Variants in CNTNAP2 observed in about 807,000 individuals in gnomAD.
The protein encoded by CNTNAP2 is contactin-associated protein-like 2.
Under a neutral mutation model 155.2 loss-of-function variants are expected in CNTNAP2, and 98 were observed. The observed-to-expected ratio is 0.63, with a 90% confidence interval of 0.54 to 0.75. The LOEUF is 0.75. Ranked by LOEUF, CNTNAP2 falls within the 30% of genes least tolerant of loss-of-function variation. The pLI, the probability that CNTNAP2 is intolerant of heterozygous loss-of-function variation, is 0.00. For missense variants in CNTNAP2, 1,727 were observed against 1,688.1 expected (o/e 1.02, Z -0.40); for synonymous variants, 651 against 631.2 (o/e 1.03, Z -0.47).
At position 146,555,379 on chromosome 7, in the gene CNTNAP2, C is replaced by T. The variant is rs989440738; in HGVS notation, c.98-218892C>T. On this transcript the variant is annotated intron_variant, in intron 1 of 23. Transcript: ENST00000361727. ...TATCTAATCTAATCTTTTATTCTAT[C>T]CATCTATCTACCATCTATTATGTAT... Among the ~76,000 whole-genome samples, 5 of 151,348 alleles carry T rather than the reference C, an allele frequency of 3.3e-5. 1 individual carries two copies. The South Asian group carries it at 6.2e-4, about 19-fold the overall frequency.
intron 13 of CNTNAP2, among the ~76,000 whole-genome samples, chr7:147,774,248 T>C (rs866555941): frequency 5.3e-5 from 8 of 152,214 alleles, no homozygotes; most frequent in African/African-American, 1.7e-4. Flanking sequence ...TTTGTCATTT[T>C]TGTTTATTAA....
At chr7:147,107,986 AAC>A (rs970550663) in intron 4 of CNTNAP2, among the ~76,000 whole-genome samples, 159 bp from the exon 5 acceptor site, 3 of 152,320 alleles carry the variant, frequency 2.0e-5, no homozygotes, top group African/African-American at 4.8e-5. Context: ...CTTTAAAACA[AAC>A]ACAGTAAATC....
At chr7:146,679,597 C>T (rs891182900) in intron 1 of CNTNAP2, among the ~76,000 whole-genome samples, 13 of 151,980 alleles carry the variant, frequency 8.6e-5, no homozygotes, top group African/African-American at 2.9e-4. Context: ...CCTCATGATC[C>T]GCCTGCCTTG....
chr7:147,788,098 A>G (rs1797765030), intron 13 of CNTNAP2, among the ~76,000 whole-genome samples: 1 of 152,212 alleles, frequency 6.6e-6, no homozygotes, highest in African/African-American at 2.4e-5. Flanking sequence ...CTTTGCCACT[A>G]GAAATGCAAC....
intron 1 of CNTNAP2, among the ~76,000 whole-genome samples, chr7:146,402,309 A>T (rs1440826576): frequency 6.6e-6 from 1 of 152,030 alleles, no homozygotes; most frequent in Non-Finnish European, 1.5e-5. Context: ...ATTTGAGCTA[A>T]AGTACTATCT....
chr7:147,366,324 A>G (rs1202748913), intron 9 of CNTNAP2, among the ~76,000 whole-genome samples: 2 of 152,066 alleles, frequency 1.3e-5, no homozygotes, highest in East Asian at 1.9e-4. Context: ...GATTTGTCTT[A>G]TCTTTCCAGA....
intron 15 of CNTNAP2, among the ~76,000 whole-genome samples, chr7:148,003,565 C>G (rs1801930657): frequency 6.6e-6 from 1 of 152,066 alleles, no homozygotes; most frequent in Non-Finnish European, 1.5e-5. Flanking sequence ...GAGAGGGCAC[C>G]AGAGGTCAAG....
At chr7:147,120,274 C>A (rs891310832) in intron 5 of CNTNAP2, among the ~76,000 whole-genome samples, 3 of 152,088 alleles carry the variant, frequency 2.0e-5, no homozygotes, top group East Asian at 1.9e-4. Flanking sequence ...GTATTAAATT[C>A]TTTGCCTGTA....
chr7:147,362,224 C>T (rs1166083210), intron 9 of CNTNAP2, among the ~76,000 whole-genome samples: 6 of 152,188 alleles, frequency 3.9e-5, no homozygotes, highest in African/African-American at 1.4e-4. Flanking sequence ...CCTCAAATTC[C>T]TGAACTCAAA....
At chr7:146,708,571 G>GA (rs35109376) in intron 1 of CNTNAP2, among the ~76,000 whole-genome samples, 112 of 72,982 alleles carry the variant, frequency 1.5e-3, no homozygotes, top group East Asian at 4.9e-3. Flanking sequence ...CTCTGTTTAA[G>GA]AAAAAAAAAA....
In CNTNAP2 at chr7:148,267,133, A is replaced by G; in HGVS notation, c.3475+7A>G. On this transcript the variant is annotated splice_region_variant and intron_variant, in intron 21 of 23. Transcript: ENST00000361727. ...TTTCTGGGAAAAGTTATAGGTAAGA[A>G]TGTGGTTCGTTAGGTATAAATGCGT... 2 of 1,610,880 alleles carry G rather than the reference A, an allele frequency of 1.2e-6. No homozygotes were observed. Among genetic ancestry groups the G allele is most frequent in the Admixed American group, 1.7e-5 (1 of 60,018 alleles).
chr7:147,971,112 A>G (rs1193575438), intron 14 of CNTNAP2, among the ~76,000 whole-genome samples: 1 of 152,136 alleles, frequency 6.6e-6, no homozygotes, highest in Non-Finnish European at 1.5e-5. Context: ...GTCAGTAAAG[A>G]TTTTGTAGTC....
chr7:148,183,708 C>A (rs2116707299), intron 18 of CNTNAP2, among the ~76,000 whole-genome samples: 1 of 152,190 alleles, frequency 6.6e-6, no homozygotes, highest in Middle Eastern at 3.4e-3. Context: ...TCTCAAACTC[C>A]TGGCATCAGG....
At chr7:146,475,561 T>C (rs544617062) in intron 1 of CNTNAP2, among the ~76,000 whole-genome samples, 15 of 152,148 alleles carry the variant, frequency 9.9e-5, no homozygotes, top group Non-Finnish European at 1.8e-4. Flanking sequence ...GATGGTATAA[T>C]GATGAAATTG....
At chr7:147,552,971 A>G (rs1441958261) in intron 11 of CNTNAP2, among the ~76,000 whole-genome samples, 1 of 152,230 alleles carries the variant, frequency 6.6e-6, no homozygotes, top group African/African-American at 2.4e-5. Flanking sequence ...AGGCAAAAAG[A>G]AATACAAGCT....
At chr7:147,979,209 C>A (rs549035139) in intron 15 of CNTNAP2, among the ~76,000 whole-genome samples, 28 of 152,222 alleles carry the variant, frequency 1.8e-4, no homozygotes, top group African/African-American at 6.5e-4. Context: ...GAAAATGCTA[C>A]CTGTAAAATT....
chr7:146,915,952 G>A (rs977331909), intron 3 of CNTNAP2: 1 of 152,014 alleles, frequency 6.6e-6, no homozygotes, highest in Non-Finnish European at 1.5e-5. Context: ...GTTGACTGTG[G>A]GTTTGTTATA....
rs578055492 is a variant in CNTNAP2 at position 146,887,815 on chromosome 7, C to T, written c.402+47911C>T. Among the ~76,000 whole-genome samples the T allele has an allele frequency of 8.5e-4, 129 of 152,260 alleles. 2 individuals carry two copies. In the South Asian group the frequency reaches 0.025, roughly 29 times the overall value. ...ATGAGATTGTATTCACAGATGTACA[C>T]TTCACAGGTCATTTCCTTGACCACC... is the stretch of plus-strand genomic sequence containing the variant. On this transcript the variant is annotated intron_variant, in intron 3 of 23. Transcript: ENST00000361727.
chr7:148,024,157 T>TAAAAAAA (rs34591496), intron 15 of CNTNAP2, among the ~76,000 whole-genome samples: 2 of 107,600 alleles, frequency 1.9e-5, no homozygotes, highest in African/African-American at 3.6e-5. Context: ...CTTTAAAGTG[T>TAAAAAAA]AAAAAAAAAA....
Sources: allele counts gnomAD v4.1 joint callset (sites outside exome capture counted in the v4.1 genomes callset), GRCh38; gene constraint gnomAD v4.1.1; transcripts MANE v1.5; gene names NCBI Gene and HGNC (gene_info 2026-07-23, HGNC 2026-07-21).